Variants in CNTN5 observed in about 807,000 individuals in gnomAD.
CNTN5 encodes contactin 5.
A neutral mutation model predicts 129.1 loss-of-function variants in CNTN5; 77 were observed. The observed-to-expected ratio is 0.60, with a 90% CI of 0.50 to 0.72. The LOEUF (loss-of-function observed/expected upper bound fraction) is 0.72, where lower values mean the gene tolerates loss of function less well. CNTN5 is among the 30% of genes least tolerant of loss of function. CNTN5 has a pLI of 0.00. For missense variants in CNTN5, 1,478 were observed against 1,328.8 expected, an observed-to-expected ratio of 1.11 and a Z score of -1.75; for synonymous variants, 509 against 465.6, an observed-to-expected ratio of 1.09 and a Z score of -1.20.
At chr11:99,838,293 C>T (rs1357980246) in intron 4 of CNTN5, among the ~76,000 whole-genome samples, 2 of 152,126 alleles carry the variant, frequency 1.3e-5, no homozygotes, top group African/African-American at 4.8e-5. Context: ...GTTCTGAAAG[C>T]TTATGGCCCT....
intron 1 of CNTN5, among the ~76,000 whole-genome samples, chr11:99,278,320 A>C (rs1242919970): frequency 6.6e-6 from 1 of 151,700 alleles, no homozygotes; most frequent in Non-Finnish European, 1.5e-5. Context: ...AGATGTAGTC[A>C]TGAGGATGGA....
intron 2 of CNTN5, among the ~76,000 whole-genome samples, chr11:99,338,174 A>G (rs1450036054): frequency 6.6e-6 from 1 of 152,202 alleles, no homozygotes; most frequent in Non-Finnish European, 1.5e-5. Context: ...ATGCAACACA[A>G]TGAAATATCT....
chr11:100,355,724 T>C (rs1052937313), intron 24 of CNTN5, among the ~76,000 whole-genome samples: 2 of 151,876 alleles, frequency 1.3e-5, no homozygotes, highest in East Asian at 3.9e-4. Context: ...GACTGAAATG[T>C]CATTATGCAG....
intron 9 of CNTN5, among the ~76,000 whole-genome samples, chr11:100,044,193 G>A (rs1446237611): frequency 4.6e-5 from 7 of 151,446 alleles, no homozygotes; most frequent in Non-Finnish European, 5.9e-5. Flanking sequence ...TACGTGATAT[G>A]TATATATAAC....
At chr11:99,111,052 T>C (rs929130958) in intron 1 of CNTN5, among the ~76,000 whole-genome samples, 2 of 152,176 alleles carry the variant, frequency 1.3e-5, no homozygotes, top group African/African-American at 4.8e-5. Flanking sequence ...ATAGATAGTA[T>C]GAATGAAATT....
At chr11:100,292,034 T>C (rs1236129595) in intron 18 of CNTN5, among the ~76,000 whole-genome samples, 3 of 151,958 alleles carry the variant, frequency 2.0e-5, no homozygotes, top group African/African-American at 7.2e-5. Context: ...AAAATTCCAG[T>C]TTAATTTAAT....
intron 3 of CNTN5, among the ~76,000 whole-genome samples, chr11:99,612,719 A>C (rs553877672): frequency 1.5e-4 from 23 of 152,298 alleles, no homozygotes; most frequent in African/African-American, 5.3e-4. Flanking sequence ...TTATGCATTC[A>C]ATGACTCATT....
chr11:100,093,050 T>TACAG (rs1944857101), intron 13 of CNTN5, among the ~76,000 whole-genome samples: 2 of 152,094 alleles, frequency 1.3e-5, no homozygotes, highest in South Asian at 4.1e-4. Flanking sequence ...AGCAGCAATA[T>TACAG]ACAGTATCTG....
chr11:100,216,615 C>A, intron 15 of CNTN5, among the ~76,000 whole-genome samples: 1 of 151,658 alleles, frequency 6.6e-6, no homozygotes, highest in Non-Finnish European at 1.5e-5. Flanking sequence ...ATGGCATGAG[C>A]AAATGAACTA....
chr11:99,196,456 T>C (rs1858907762), intron 1 of CNTN5, among the ~76,000 whole-genome samples: 1 of 151,990 alleles, frequency 6.6e-6, no homozygotes, highest in Non-Finnish European at 1.5e-5. Context: ...TTTTGTTTTA[T>C]GTTTAGATAT....
chr11:99,939,234 G>A (rs550404743), intron 7 of CNTN5, among the ~76,000 whole-genome samples: 11 of 151,996 alleles, frequency 7.2e-5, no homozygotes, highest in Non-Finnish European at 7.4e-5. Context: ...TTAAATACTC[G>A]TGCAAATTGC....
At position 99,262,398 on chromosome 11, in the gene CNTN5, A is replaced by G. The variant is rs908772283; in HGVS notation, c.-209-62948A>G. Among the ~76,000 whole-genome samples the G allele has an allele frequency of 6.4e-4, 98 of 152,248 alleles. 1 individual carries two copies. Among genetic ancestry groups the G allele is most frequent in the Non-Finnish European group, 3.4e-4 (23 of 67,986 alleles). On this transcript the variant is annotated intron_variant, in intron 1 of 24. Coordinates refer to ENST00000524871, the MANE Select transcript of CNTN5 (RefSeq NM_014361.4). ...GATGATAATTATTATGATAGTAATC[A>G]TAATGATAGCTACTATTATTGATTG...
At chr11:99,772,931 A>G (rs978777671) in intron 3 of CNTN5, among the ~76,000 whole-genome samples, 1 of 152,074 alleles carries the variant, frequency 6.6e-6, no homozygotes, top group East Asian at 1.9e-4. Context: ...TGTCTAAGTC[A>G]GAATTTTAGA....
At chr11:99,306,022 T>TAGA (rs1332242955) in intron 1 of CNTN5, among the ~76,000 whole-genome samples, 3 of 152,074 alleles carry the variant, frequency 2.0e-5, no homozygotes, top group Non-Finnish European at 4.4e-5. Context: ...GAAAGATGTC[T>TAGA]AGAAGAACTA....
At chr11:99,996,341 C>T (rs1939442324) in intron 8 of CNTN5, among the ~76,000 whole-genome samples, 1 of 152,142 alleles carries the variant, frequency 6.6e-6, no homozygotes, top group Admixed American at 6.5e-5. Context: ...TGCAGCTTCC[C>T]TATTCAAAAC....
chr11:99,380,719 G>A lies in CNTN5; in HGVS notation c.-71+55235G>A, dbSNP rs184456304. Among the ~76,000 whole-genome samples the A allele has an allele frequency of 4.6e-3, 579 of 126,508 alleles. 2 individuals are homozygous for A. The highest frequency in any genetic ancestry group is 0.017 in the African/African-American group (555 of 32,212). The allele number at this position is 126,508 out of a possible 152,430, so 83.0% of individuals were successfully genotyped here. On this transcript the variant is annotated intron_variant, in intron 2 of 24. Coordinates refer to ENST00000524871, the MANE Select transcript of CNTN5 (RefSeq NM_014361.4). ...GGAGGTGGAGGTTGCAGTGAGCCAA[G>A]ATCACACCATTGCACTCCAGCCTGG...
At chr11:99,328,106 T>A (rs1233482457) in intron 2 of CNTN5, among the ~76,000 whole-genome samples, 1 of 152,206 alleles carries the variant, frequency 6.6e-6, no homozygotes, top group African/African-American at 2.4e-5. Context: ...AATCTAATGT[T>A]CATCTTTAAA....
At chr11:99,669,800 C>T (rs943953305) in intron 3 of CNTN5, among the ~76,000 whole-genome samples, 1 of 152,100 alleles carries the variant, frequency 6.6e-6, no homozygotes, top group Non-Finnish European at 1.5e-5. Context: ...AGTATTTAAG[C>T]TACTCCTAGA....
At chr11:99,739,091 T>C (rs1159977940) in intron 3 of CNTN5, among the ~76,000 whole-genome samples, 1 of 152,204 alleles carries the variant, frequency 6.6e-6, no homozygotes, top group East Asian at 1.9e-4. Flanking sequence ...TGTTCTGTGT[T>C]GCTCACTTTG....
Sources: allele counts gnomAD v4.1 joint callset (sites outside exome capture counted in the v4.1 genomes callset), GRCh38; gene constraint gnomAD v4.1.1; transcripts MANE v1.5; gene names NCBI Gene and HGNC (gene_info 2026-07-23, HGNC 2026-07-21).